MICAL1: variants seen among roughly 807,000 people sequenced by gnomAD.
The protein encoded by MICAL1 is [F-actin]-monooxygenase MICAL1.
MICAL1 carries 95 observed loss-of-function variants against 131.8 expected under a neutral mutation model. That is an observed-to-expected ratio of 0.72 (90% CI 0.61 to 0.86). The LOEUF is 0.86. Among genes scored for constraint, MICAL1 ranks in the 40% least tolerant of loss-of-function variants. The pLI, the probability that MICAL1 is intolerant of heterozygous loss-of-function variation, is 0.00. For missense variants in MICAL1, 1,292 were observed against 1,380.6 expected (o/e 0.94, Z 1.02); for synonymous variants, 546 against 554.2 (o/e 0.99, Z 0.21).
At chr6:109,449,621 G>C (rs1775423395) in intron 10 of MICAL1, 36 bp downstream of exon 10, 2 of 1,588,856 alleles carry the variant, frequency 1.3e-6, no homozygotes, top group African/African-American at 2.7e-5. Flanking sequence ...AAGGGGGTTG[G>C]CTTGGGAAGG....
intron 11 of MICAL1, chr6:109,449,151 G>A: frequency 1.5e-6 from 1 of 662,678 alleles, no homozygotes; most frequent in Non-Finnish European, 2.7e-6. Flanking sequence ...AGGGGAGGTT[G>A]CCAGCACCAC....
chr6:109,445,129 C>T (rs1350029356), intron 22 of MICAL1, 68 bp downstream of exon 22: 4 of 1,595,728 alleles, frequency 2.5e-6, no homozygotes, highest in Non-Finnish European at 3.4e-6. Flanking sequence ...ACTGGGACTC[C>T]TACGGGCTGG....
rs374302631 is a variant in MICAL1, at chr6:109,452,625, G to A, written c.572-10C>T. On this transcript the variant is annotated splice_polypyrimidine_tract_variant and intron_variant, in intron 4 of 24. Coordinates refer to ENST00000358807, the MANE Select transcript of MICAL1 (RefSeq NM_022765.4). ...GCACGCCAGCCACTCCCTAGGGCAG[G>A]GGGTATGAGAGGCACAAAGGTGTAG... is the stretch of plus-strand genomic sequence containing the variant. The A allele has an allele frequency of 1.1e-5, 18 of 1,608,944 alleles. No homozygotes were observed. The highest frequency in any genetic ancestry group is 4.0e-5 in the African/African-American group (3 of 74,774).
chr6:109,444,613 G>T, intron 24 of MICAL1, 112 bp downstream of exon 24: 2 of 1,325,166 alleles, frequency 1.5e-6, no homozygotes, highest in Non-Finnish European at 2.2e-6. Context: ...CTCCTGAATT[G>T]TCTCAGAGGT....
At chr6:109,454,885 G>C (rs1582655428) in intron 1 of MICAL1, 1 of 152,544 alleles carries the variant, frequency 6.6e-6, no homozygotes, top group Non-Finnish European at 1.5e-5. Flanking sequence ...AGGATGTTGC[G>C]ACTGACTGGG....
chr6:109,445,919 C>CA (rs1260852804), intron 19 of MICAL1, 57 bp from the exon 20 acceptor site: 10 of 1,562,634 alleles, frequency 6.4e-6, no homozygotes, highest in Non-Finnish European at 8.7e-6. Context: ...AGTCAGGCAA[C>CA]AAAGAGCATG....
intron 9 of MICAL1, 72 bp downstream of exon 9, chr6:109,449,898 C>G: frequency 1.9e-6 from 3 of 1,591,686 alleles, no homozygotes; most frequent in Non-Finnish European, 2.6e-6. Context: ...ATTCACTCAG[C>G]ACCCCTGCCC....
rs1044721173 is a variant in MICAL1, at chr6:109,450,416, G to A, written c.1075C>T (p.Pro359Ser). ...GTGAAGTCAAAGGCAGAGACATCAGGCTGCCCATGGGCATCCTGGGCAAAC... is the reference window on the plus strand; with the variant it reads ...GTGAAGTCAAAGGCAGAGACATCAGACTGCCCATGGGCATCCTGGGCAAAC... Reference protein sequence around the residue: ...LEFAQDAHGQPDVSAFDFTSM... With the variant: ...LEFAQDAHGQSDVSAFDFTSM... Residue 359 changes from proline (P) to serine (S), a missense_variant, in exon 8 of 25, where the codon CCT (proline) becomes TCT (serine). By Grantham distance (74) the Pro-to-Ser change is moderately conservative. Transcript: ENST00000358807. The A allele has an allele frequency of 2.5e-6, 4 of 1,613,434 alleles. No homozygotes were observed. In the Admixed American group the frequency reaches 5.0e-5, roughly 20 times the overall value.
chr6:109,451,810 G>A lies in MICAL1; in HGVS notation c.833-110C>T, dbSNP rs558126583. 2.1e-4 allele frequency: 317 copies of A among 1,515,026 alleles called. 2 individuals carry two copies. Among genetic ancestry groups the A allele is most frequent in the Middle Eastern group, 5.7e-4 (3 of 5,274 alleles). The allele number at this position is 1,515,026 out of a possible 1,614,324, so 93.8% of individuals were successfully genotyped here. A position where few individuals can be genotyped will look rare whatever the true frequency, so the allele number is the denominator to read the frequency against. ...GAGCTGGGATCCCAGCTTAGGCTGC[G>A]GTGAGTGCTCCACGCATAGAACCCC... On this transcript the variant is annotated intron_variant, in intron 6 of 24. Transcript: ENST00000358807.
At chr6:109,451,774 G>A in intron 6 of MICAL1, 74 bp from the exon 7 acceptor site, 1 of 1,581,962 alleles carries the variant, frequency 6.3e-7, no homozygotes, top group East Asian at 2.3e-5. Flanking sequence ...TCCCAACATG[G>A]CCTGACCTCT....
rs754064171 is a variant in MICAL1 at position 109,445,288 on chromosome 6, G to A, written c.2790C>T (p.Thr930=). Residue 930 remains threonine, a splice_region_variant and synonymous_variant, in exon 22 of 25, where the codon ACC becomes ACT. Transcript: ENST00000358807. ...CAATCTCATTTAGTCGCCGTTGGATGGTCTGAGGGGTACAAGACAGAATAT... is the reference window on the plus strand; with the variant it reads ...CAATCTCATTTAGTCGCCGTTGGATAGTCTGAGGGGTACAAGACAGAATAT... ...EEMKRFCKAQ[T]IQRRLNEIEA... is the part of the protein sequence containing the mutation. 2 of 1,614,090 alleles carry A rather than the reference G, an allele frequency of 1.2e-6. No individual in the cohort carries two copies. Among genetic ancestry groups the A allele is most frequent in the Admixed American group, 1.7e-5 (1 of 60,016 alleles).
chr6:109,456,002 C>T, upstream of MICAL1: 1 of 986,060 alleles, frequency 1.0e-6, no homozygotes, highest in African/African-American at 1.7e-5. Flanking sequence ...CCCATGCCTG[C>T]AGGGTGGCGC....
rs1775579139 is a variant in MICAL1 at position 109,452,378 on chromosome 6, C to T, written c.700G>A (p.Gly234Ser). 1 of 1,614,018 alleles carries T rather than the reference C, an allele frequency of 6.2e-7. No homozygotes were observed. Among genetic ancestry groups the T allele is most frequent in the Non-Finnish European group, 8.5e-7 (1 of 1,180,008 alleles). ...GCTGTGATGCCAATGGCCAGTTTGC[C>T]TCGCATTTCTCGAACTTTGAAGCCT... ...PEGFKVREMR[G>S]KLAIGITANF... The change falls in exon 6 of 25, where the codon GGC becomes AGC. Residue 234 changes from glycine (G) to serine (S), a missense_variant. Coordinates refer to ENST00000358807, the MANE Select transcript of MICAL1 (RefSeq NM_022765.4).
intron 7 of MICAL1, 74 bp downstream of exon 7, chr6:109,451,526 C>G: frequency 1.3e-6 from 2 of 1,569,476 alleles, no homozygotes; most frequent in Non-Finnish European, 1.7e-6. Flanking sequence ...ACCCAGGTGT[C>G]GACTATGTCC....
intron 12 of MICAL1, 82 bp from the exon 13 acceptor site, chr6:109,448,475 G>A: frequency 6.7e-7 from 1 of 1,503,484 alleles, no homozygotes; most frequent in South Asian, 1.2e-5. Context: ...GGAGGGGAGG[G>A]ACAGCAAGCA....
At position 109,452,576 on chromosome 6, in the gene MICAL1, G is replaced by A. The variant is rs770905249; in HGVS notation, c.611C>T (p.Ala204Val). 6.2e-7 allele frequency: 1 copy of A among 1,613,614 alleles called. No homozygotes were observed. The highest frequency in any genetic ancestry group is 1.1e-5 in the South Asian group (1 of 91,052). Residue 204 changes from alanine (A) to valine (V), a missense_variant, in exon 5 of 25, where the codon GCC (alanine) becomes GTC (valine). Ala to Val is a moderately conservative substitution (Grantham distance 64). Transcript: ENST00000358807. ...WRAQLQPNPP[A>V]QLANYEFDVL... ...GTCAAATTCATAGTTGGCCAGCTGG[G>A]CAGGGGGGTTGGGTTGGAGCTGGGC...
rs1775704684 is a variant in MICAL1 at position 109,455,371 on chromosome 6, C to T, written c.-44+348G>A. 6.6e-6 allele frequency among the ~76,000 whole-genome samples: 1 copy of T among 152,028 alleles called. No homozygotes were observed. The highest frequency in any genetic ancestry group is 2.4e-5 in the African/African-American group (1 of 41,380). On this transcript the variant is annotated intron_variant, in intron 1 of 24. Transcript: ENST00000358807. This position sits in a 1 kb window ranked among gnomAD's most constrained non-coding sequence, Gnocchi z 4.7. ...GACGAGGGCAGACGGAATCTCATGACGGAAGGGCAAAGATCTTTCTTGGGG... is the reference window on the plus strand; with the variant it reads ...GACGAGGGCAGACGGAATCTCATGATGGAAGGGCAAAGATCTTTCTTGGGG...
intron 12 of MICAL1, 59 bp downstream of exon 12, chr6:109,448,673 G>T: frequency 6.3e-7 from 1 of 1,596,384 alleles, no homozygotes. Flanking sequence ...GGATTCAACT[G>T]GATATGCTAA....
chr6:109,454,168 G>A lies in MICAL1; in HGVS notation c.29C>T (p.Ala10Val), dbSNP rs201945561. The A allele has an allele frequency of 1.0e-4, 161 of 1,608,032 alleles. No homozygotes were observed. The highest frequency in any genetic ancestry group is 1.3e-4 in the Non-Finnish European group (153 of 1,177,584). Residue 10 changes from alanine (A) to valine (V), a missense_variant, in exon 2 of 25, where the codon GCG (alanine) becomes GTG (valine). By Grantham distance (64) the Ala-to-Val change is moderately conservative. Transcript: ENST00000358807. MASPTSTNP[A>V]HAHFESFLQA... ...CAGGAAGCTCTCAAAGTGGGCATGC[G>A]CTGGGTTGGTGGAGGTAGGTGAAGC...
Sources: gnomAD v4.1 joint callset for allele counts (sites outside exome capture counted in the v4.1 genomes callset) on GRCh38, gnomAD v4.1.1 for gene constraint, Gnocchi (gnomAD v3.1) non-coding constraint, MANE v1.5 for transcripts, NCBI Gene and HGNC (gene_info 2026-07-23, HGNC 2026-07-21) for gene names.